Variants in F10 observed in about 807,000 individuals in gnomAD.
The protein encoded by F10 is coagulation factor X.
Under a neutral mutation model 37.1 loss-of-function variants are expected in F10, and 29 were observed. The observed-to-expected ratio is 0.78, with a 90% CI of 0.58 to 1.07. F10 has a LOEUF of 1.07. F10 is among the 50% of genes least tolerant of loss of function. The probability of loss-of-function intolerance (pLI) is 0.00; values close to 1 mark genes in which losing one functional copy is unlikely to be tolerated. For missense variants in F10, 539 were observed against 667.9 expected (o/e 0.81, Z 2.13); for synonymous variants, 262 against 268.6 (o/e 0.98, Z 0.24).
At position 113,143,658 on chromosome 13, in the gene F10, C is replaced by G. The variant is rs948390821; in HGVS notation, c.503-193C>G. 2.0e-5 allele frequency among the ~76,000 whole-genome samples: 3 copies of G among 152,138 alleles called. No homozygotes were observed. Among genetic ancestry groups the G allele is most frequent in the East Asian group, 1.9e-4 (1 of 5,180 alleles). On this transcript the variant is annotated intron_variant, in intron 5 of 7. Coordinates refer to ENST00000375559, the MANE Select transcript of F10 (RefSeq NM_000504.4). This position sits in a 1 kb window ranked among gnomAD's most constrained non-coding sequence, Gnocchi z 6.8. Reference sequence around the variant, plus strand: ...GGTCACCTGAGGGGAGGCCAACGCTCGGACAGCTGCGCTCACCTGCAGATC... The same window carrying G: ...GGTCACCTGAGGGGAGGCCAACGCTGGGACAGCTGCGCTCACCTGCAGATC...
chr13:113,129,556 G>A lies in F10; in HGVS notation c.175G>A (p.Glu59Lys). 6.2e-7 allele frequency: 1 copy of A among 1,614,236 alleles called. No individual in the cohort carries two copies. Among genetic ancestry groups the A allele is most frequent in the Non-Finnish European group, 8.5e-7 (1 of 1,180,036 alleles). ...KKGHLERECM[E>K]ETCSYEEARE... ...AGGACACCTCGAAAGAGAGTGCATG[G>A]AAGAGACCTGCTCATACGAAGAGGC... Residue 59 changes from glutamate to lysine, a missense_variant, in exon 2 of 8, where the codon GAA (glutamate) becomes AAA (lysine). Glu to Lys is a moderately conservative substitution (Grantham distance 56). Coordinates refer to ENST00000375559, the MANE Select transcript of F10 (RefSeq NM_000504.4).
At chr13:113,142,406 T>C (rs1287615920) in intron 5 of F10, among the ~76,000 whole-genome samples, 1 of 146,230 alleles carries the variant, frequency 6.8e-6, no homozygotes, top group Non-Finnish European at 1.5e-5. Context: ...AAAAATTAGC[T>C]GGGCATGGTG....
chr13:113,128,626 G>A (rs1269004692), intron 1 of F10: 2 of 152,290 alleles, frequency 1.3e-5, no homozygotes, highest in African/African-American at 2.4e-5. Context: ...TTGGGAGGCT[G>A]AGGCAGGTGG....
In F10 at chr13:113,149,109, G is replaced by C. The variant is rs969790557; in HGVS notation, c.1059G>C (p.Leu353=). The C allele has an allele frequency of 6.2e-7, 1 of 1,613,122 alleles. No homozygotes were observed. The highest frequency in any genetic ancestry group is 1.3e-5 in the African/African-American group (1 of 75,056). Residue 353 remains leucine, a synonymous_variant, in exon 8 of 8, where the codon CTG becomes CTC. Transcript: ENST00000375559. This position sits in a 1 kb window ranked among gnomAD's most constrained non-coding sequence, Gnocchi z 7.5. ...LPERDWAEST[L]MTQKTGIVSG... ...AGCGTGACTGGGCCGAGTCCACGCT[G>C]ATGACGCAGAAGACGGGGATTGTGA... is the stretch of plus-strand genomic sequence containing the variant.
rs146327962 is a variant in F10 at position 113,141,717 on chromosome 13, C to T, written c.502+667C>T. Among the ~76,000 whole-genome samples the T allele has an allele frequency of 2.8e-4, 42 of 152,306 alleles. No homozygotes were observed. Among genetic ancestry groups the T allele is most frequent in the Admixed American group, 7.8e-4 (12 of 15,308 alleles). ...TGCCGGCACTTCCACACGGCCAGCA[C>T]ACATGAGGCCCTCGAAGGCGGGGCC... On this transcript the variant is annotated intron_variant, in intron 5 of 7. Transcript: ENST00000375559. The surrounding 1 kb of genome is among the most constrained non-coding windows in gnomAD (Gnocchi z 5.4).
rs2036528888 is a variant in F10 at position 113,141,673 on chromosome 13, T to A, written c.502+623T>A. ...CTGTCCTGACCCCGTGGGCATTGCC[T>A]ACGCTGGGCTTGCCTGGCTGCCGGC... On this transcript the variant is annotated intron_variant, in intron 5 of 7. Transcript: ENST00000375559. The surrounding 1 kb of genome is among the most constrained non-coding windows in gnomAD (Gnocchi z 5.4). Among the ~76,000 whole-genome samples the A allele has an allele frequency of 6.6e-6, 1 of 152,184 alleles. No individual in the cohort carries two copies. The highest frequency in any genetic ancestry group is 1.5e-5 in the Non-Finnish European group (1 of 68,026).
rs1566919888 is a variant in F10 at position 113,141,967 on chromosome 13, T to A, written c.502+917T>A. Among the ~76,000 whole-genome samples the A allele has an allele frequency of 6.6e-6, 1 of 152,338 alleles. No individual in the cohort carries two copies. The highest frequency in any genetic ancestry group is 1.9e-4 in the East Asian group (1 of 5,186). ...ACTGTCCCCTCCAGACACAGGTTAC[T>A]CCCGAGTGTTCTGTCACTCTTCCTT... On this transcript the variant is annotated intron_variant, in intron 5 of 7. Transcript: ENST00000375559. The surrounding 1 kb of genome is among the most constrained non-coding windows in gnomAD (Gnocchi z 5.4).
Position 113,146,039 on chromosome 13 carries a change from C to G in F10, c.748-1340C>G, listed in dbSNP as rs1327029736. On this transcript the variant is annotated intron_variant, in intron 6 of 7. Coordinates refer to ENST00000375559, the MANE Select transcript of F10 (RefSeq NM_000504.4). The surrounding 1 kb of genome is among the most constrained non-coding windows in gnomAD (Gnocchi z 4.5). ...AGCAAGAATCTCAGAGCTGCCAGCG[C>G]CCCCATGAATTCCCCCAGGTCTTCC... Among the ~76,000 whole-genome samples, 2 of 152,266 alleles carry G rather than the reference C, an allele frequency of 1.3e-5. No homozygotes were observed. Among genetic ancestry groups the G allele is most frequent in the Admixed American group, 1.3e-4 (2 of 15,292 alleles).
At chr13:113,148,345 A>AAAATATATATATAT (rs1300922846) in intron 7 of F10, among the ~76,000 whole-genome samples, 93 of 95,398 alleles carry the variant, frequency 9.7e-4, no homozygotes, top group African/African-American at 3.4e-3. Context: ...AAAAAAAAAA[A>AAAATATATATATAT]ATATATATAT....
At chr13:113,123,448 G>T (rs1305858152) in intron 1 of F10, among the ~76,000 whole-genome samples, 3 of 152,194 alleles carry the variant, frequency 2.0e-5, no homozygotes, top group Admixed American at 6.5e-5. Context: ...CTGGACAGGT[G>T]GGGGCAGCAG....
chr13:113,143,699 A>ATT lies in F10; in HGVS notation c.503-152_503-151insTT. 9 of 1,203,568 alleles carry ATT rather than the reference A, an allele frequency of 7.5e-6. No individual in the cohort carries two copies. In the Admixed American group the frequency reaches 8.6e-5, roughly 11 times the overall value. 74.6% of individuals were successfully genotyped at this position (1,203,568 alleles called of 1,614,324 possible). On this transcript the variant is annotated intron_variant, in intron 5 of 7. Coordinates refer to ENST00000375559, the MANE Select transcript of F10 (RefSeq NM_000504.4). This position sits in a 1 kb window ranked among gnomAD's most constrained non-coding sequence, Gnocchi z 6.8. ...CCTGCAGATCCGACCCCTGCCGACG[A>ATT]CGTGGGGCCTCGCCCTGCAAGCCCG... is the stretch of plus-strand genomic sequence containing the variant.
At chr13:113,142,556 CAAA>C (rs5806973) in intron 5 of F10, among the ~76,000 whole-genome samples, 10 of 61,372 alleles carry the variant, frequency 1.6e-4, no homozygotes, top group Admixed American at 4.8e-4. Context: ...GACTCTGTCT[CAAA>C]AAAAAAAAAA....
rs780636002 is a variant in F10 at position 113,149,314 on chromosome 13, C to G, written c.1264C>G (p.Pro422Ala). 1 of 1,613,126 alleles carries G rather than the reference C, an allele frequency of 6.2e-7. No homozygotes were observed. Among genetic ancestry groups the G allele is most frequent in the African/African-American group, 1.3e-5 (1 of 74,942 alleles). Residue 422 changes from proline to alanine, a missense_variant, in exon 8 of 8, where the codon CCG becomes GCG. Physicochemically the swap from Pro to Ala is conservative, Grantham distance 27. This residue lies in a region of F10 where 409 missense variants were observed against 547.9 expected (regional missense o/e 0.75). Transcript: ENST00000375559. The surrounding 1 kb of genome is among the most constrained non-coding windows in gnomAD (Gnocchi z 7.5). ...TGCCTGCCAGGGGGACAGCGGGGGC[C>G]CGCACGTCACCCGCTTCAAGGACAC... is the stretch of plus-strand genomic sequence containing the variant. ...EDACQGDSGG[P>A]HVTRFKDTYF...
chr13:113,143,735 G>GT lies in F10; in HGVS notation c.503-116_503-115insT. ...CGCCCTGCAAGCCCGCTGCCCCTCC[G>GT]GGTGCCCCTGCGCTCTGCCTCCCGG... On this transcript the variant is annotated intron_variant, in intron 5 of 7. Coordinates refer to ENST00000375559, the MANE Select transcript of F10 (RefSeq NM_000504.4). This position sits in a 1 kb window ranked among gnomAD's most constrained non-coding sequence, Gnocchi z 6.8. 5.5e-4 allele frequency: 808 copies of GT among 1,468,386 alleles called. No homozygotes were observed. Among genetic ancestry groups the GT allele is most frequent in the Admixed American group, 4.2e-3 (214 of 50,998 alleles). The allele number at this position is 1,468,386 out of a possible 1,614,324, so 91.0% of individuals were successfully genotyped here. A position where few individuals can be genotyped will look rare whatever the true frequency, so the allele number is the denominator to read the frequency against.
intron 1 of F10, among the ~76,000 whole-genome samples, chr13:113,127,785 T>G (rs2036384402): frequency 6.6e-6 from 1 of 152,174 alleles, no homozygotes; most frequent in South Asian, 2.1e-4. Context: ...CTATTATAGT[T>G]TGTAATTGAA....
In F10 at chr13:113,146,552, ATGGT is replaced by A. The variant is rs2036584553; in HGVS notation, c.748-822_748-819del. Among the ~76,000 whole-genome samples, 1 of 152,178 alleles carries A rather than the reference ATGGT, an allele frequency of 6.6e-6. No homozygotes were observed. The highest frequency in any genetic ancestry group is 1.5e-5 in the Non-Finnish European group (1 of 68,018). On this transcript the variant is annotated intron_variant, in intron 6 of 7. Transcript: ENST00000375559. This position sits in a 1 kb window ranked among gnomAD's most constrained non-coding sequence, Gnocchi z 4.5. Reference sequence around the variant, plus strand: ...GGCCTCATCTGCATCTTTAGGAAGAATGGTTGGTGTTCGTGTCTTAGAAAGCCTG... The same window carrying A: ...GGCCTCATCTGCATCTTTAGGAAGAATGGTGTTCGTGTCTTAGAAAGCCTG...
chr13:113,129,428 A>G, intron 1 of F10, 24 bp from the exon 2 acceptor site: 1 of 1,584,082 alleles, frequency 6.3e-7, no homozygotes, highest in Non-Finnish European at 8.6e-7. Flanking sequence ...CAGAGCTTTT[A>G]ACCCTGTCCT....
chr13:113,139,221 G>T lies in F10; in HGVS notation c.257-136G>T. On this transcript the variant is annotated intron_variant, in intron 3 of 7. Coordinates refer to ENST00000375559, the MANE Select transcript of F10 (RefSeq NM_000504.4). The surrounding 1 kb of genome is among the most constrained non-coding windows in gnomAD (Gnocchi z 5.2). ...GGGTGGATCAAATAAAGTCCAAAGAGGGGGAGTTGTTTACAGAGAAACCGG... is the reference window on the plus strand; with the variant it reads ...GGGTGGATCAAATAAAGTCCAAAGATGGGGAGTTGTTTACAGAGAAACCGG... 7.2e-6 allele frequency: 5 copies of T among 695,624 alleles called. No homozygotes were observed. The highest frequency in any genetic ancestry group is 2.2e-5 in the Admixed American group (1 of 45,958). 43.1% of individuals were successfully genotyped at this position (695,624 alleles called of 1,614,324 possible).
chr13:113,130,137 C>G (rs2036417440), intron 2 of F10: 1 of 197,828 alleles, frequency 5.1e-6, no homozygotes, highest in African/African-American at 2.4e-5. Context: ...GCGGCGAACC[C>G]GGCACTGCGC....
Sources: allele counts gnomAD v4.1 joint callset (sites outside exome capture counted in the v4.1 genomes callset), GRCh38; gene constraint gnomAD v4.1.1; regional missense constraint gnomAD v4.1.1; non-coding constraint Gnocchi (gnomAD v3.1); transcripts MANE v1.5; gene names NCBI Gene and HGNC (gene_info 2026-07-23, HGNC 2026-07-21).